Variants in DTNA observed in about 807,000 individuals in gnomAD.
DTNA encodes dystrobrevin alpha, also known as dystrophin-related protein 3.
Under a neutral mutation model 100.7 loss-of-function variants are expected in DTNA, and 43 were observed. That is an observed-to-expected ratio of 0.43 (90% CI 0.33 to 0.55). DTNA has a LOEUF of 0.55. Ranked by LOEUF, DTNA falls within the 20% of genes least tolerant of loss-of-function variation. The pLI is 0.04. For synonymous variants in DTNA, 349 were observed against 347.9 expected (o/e 1.00, Z -0.04); for missense variants, 798 against 953.9 (o/e 0.84, Z 2.15).
At chr18:34,569,654 C>T (rs182562770) in intron 1 of DTNA, among the ~76,000 whole-genome samples, 1 of 152,150 alleles carries the variant, frequency 6.6e-6, no homozygotes, top group Admixed American at 6.5e-5. Context: ...TGGAGGTTGA[C>T]AAGTCAAAAA....
chr18:34,686,574 A>T (rs140810220), intron 1 of DTNA, among the ~76,000 whole-genome samples: 14 of 152,314 alleles, frequency 9.2e-5, no homozygotes, highest in African/African-American at 3.1e-4. Flanking sequence ...ATCAATGTTC[A>T]TCAGGAATAT....
At chr18:34,629,461 C>T (rs2057782787) in intron 1 of DTNA, among the ~76,000 whole-genome samples, 1 of 152,088 alleles carries the variant, frequency 6.6e-6, no homozygotes, top group African/African-American at 2.4e-5. Context: ...TGTCCAGATT[C>T]CTAATGAATA....
At position 34,888,787 on chromosome 18, in the gene DTNA, C is replaced by T; in HGVS notation, c.*1053C>T. On this transcript the variant is annotated 3_prime_UTR_variant, in exon 23 of 23. Transcript: ENST00000444659. ...AACAGCACCGCTCGTTCACAAGTTC[C>T]CCCATCAAGTTGTTTGGAGGCCTTC... is the stretch of plus-strand genomic sequence containing the variant. 1 of 985,874 alleles carries T rather than the reference C, an allele frequency of 1.0e-6. No homozygotes were observed. The highest frequency in any genetic ancestry group is 1.2e-6 in the Non-Finnish European group (1 of 829,946). 61.1% of individuals were successfully genotyped at this position (985,874 alleles called of 1,614,324 possible).
At chr18:34,743,982 G>A (rs1464495972) in intron 1 of DTNA, among the ~76,000 whole-genome samples, 4 of 151,990 alleles carry the variant, frequency 2.6e-5, no homozygotes, top group African/African-American at 9.7e-5. Context: ...ATCATCCAGA[G>A]CTAGACTCCT....
intron 3 of DTNA, among the ~76,000 whole-genome samples, chr18:34,767,313 C>T (rs2093535402): frequency 6.6e-6 from 1 of 152,046 alleles, no homozygotes; most frequent in Non-Finnish European, 1.5e-5. Context: ...CCCCAGGCTT[C>T]TAGGCTTACA....
intron 14 of DTNA, among the ~76,000 whole-genome samples, chr18:34,848,895 C>T (rs1413637546): frequency 6.6e-6 from 1 of 152,218 alleles, no homozygotes; most frequent in Non-Finnish European, 1.5e-5. Context: ...GCTATTAGTG[C>T]GTCACAAAGG....
intron 1 of DTNA, among the ~76,000 whole-genome samples, chr18:34,750,645 A>G (rs1303943201): frequency 6.6e-6 from 1 of 152,150 alleles, no homozygotes; most frequent in Non-Finnish European, 1.5e-5. Flanking sequence ...TACCTTCTTG[A>G]GTCTTAAGTT....
chr18:34,632,991 A>C (rs1366923008), intron 1 of DTNA, among the ~76,000 whole-genome samples: 1 of 152,186 alleles, frequency 6.6e-6, no homozygotes, highest in Admixed American at 6.5e-5. Context: ...AGAGAGGATT[A>C]AAAAAATTCT....
At chr18:34,868,676 A>C (rs2096733523) in intron 17 of DTNA, 2 of 985,358 alleles carry the variant, frequency 2.0e-6, no homozygotes, top group Admixed American at 1.2e-4. Context: ...ATTTCTACTT[A>C]CATTGTTTCT....
intron 1 of DTNA, among the ~76,000 whole-genome samples, chr18:34,583,231 G>T (rs1176806016): frequency 6.6e-6 from 1 of 152,156 alleles, no homozygotes; most frequent in East Asian, 1.9e-4. Flanking sequence ...CACTATGTCT[G>T]TCTGATAGAA....
chr18:34,692,580 G>A (rs764643835), intron 1 of DTNA, among the ~76,000 whole-genome samples: 19 of 152,140 alleles, frequency 1.2e-4, no homozygotes, highest in Non-Finnish European at 1.9e-4. Context: ...AACATTTCCC[G>A]AGGAGTAAGC....
intron 1 of DTNA, among the ~76,000 whole-genome samples, chr18:34,718,454 T>G (rs576260287): frequency 1.1e-3 from 173 of 152,338 alleles, no homozygotes; most frequent in African/African-American, 4.1e-3. Flanking sequence ...ATGATTTGGG[T>G]ACATTATTCT....
chr18:34,638,701 A>C (rs2058921396), intron 1 of DTNA, among the ~76,000 whole-genome samples: 1 of 152,232 alleles, frequency 6.6e-6, no homozygotes, highest in African/African-American at 2.4e-5. Context: ...CATAAATTAG[A>C]AAAATATGAT....
chr18:34,779,991 C>A (rs574043395), intron 3 of DTNA, among the ~76,000 whole-genome samples: 1 of 152,038 alleles, frequency 6.6e-6, no homozygotes, highest in Non-Finnish European at 1.5e-5. Context: ...TAGTAATTCC[C>A]CTCTCATGCT....
chr18:34,505,154 A>G (rs1374476780), intron 1 of DTNA, among the ~76,000 whole-genome samples: 1 of 152,182 alleles, frequency 6.6e-6, no homozygotes, highest in Non-Finnish European at 1.5e-5. Flanking sequence ...TGGAGGTTCT[A>G]AGGAATAATC....
intron 1 of DTNA, among the ~76,000 whole-genome samples, chr18:34,735,279 C>T (rs1351127721): frequency 6.6e-6 from 1 of 152,080 alleles, no homozygotes; most frequent in Non-Finnish European, 1.5e-5. Flanking sequence ...TTGTACCTAC[C>T]AGATTAAGAG....
At chr18:34,691,327 A>G (rs1189193800) in intron 1 of DTNA, among the ~76,000 whole-genome samples, 1 of 152,208 alleles carries the variant, frequency 6.6e-6, no homozygotes, top group Non-Finnish European at 1.5e-5. Flanking sequence ...TATCTCAAAT[A>G]TGCCATTGCT....
chr18:34,796,689 A>G (rs2094985924), intron 4 of DTNA, among the ~76,000 whole-genome samples: 1 of 152,202 alleles, frequency 6.6e-6, no homozygotes, highest in Non-Finnish European at 1.5e-5. Flanking sequence ...AAAAATAAAT[A>G]AATAAAAAAG....
At chr18:34,638,734 A>G (rs769105594) in intron 1 of DTNA, among the ~76,000 whole-genome samples, 11 of 152,224 alleles carry the variant, frequency 7.2e-5, no homozygotes, top group Non-Finnish European at 1.5e-4. Context: ...AATGAAAGCA[A>G]TATTCCACTA....
Sources: allele counts gnomAD v4.1 joint callset (sites outside exome capture counted in the v4.1 genomes callset), GRCh38; gene constraint gnomAD v4.1.1; transcripts MANE v1.5; gene names NCBI Gene and HGNC (gene_info 2026-07-23, HGNC 2026-07-21).